ACBD6: variants seen among roughly 807,000 people sequenced by gnomAD.
ACBD6 encodes acyl-CoA-binding domain-containing protein 6.
In ACBD6, 28 loss-of-function variants were observed where a neutral mutation model predicts 37.2. The ratio of observed to expected loss-of-function variants is 0.75; its 90% CI spans 0.56 to 1.03. The LOEUF (loss-of-function observed/expected upper bound fraction) is 1.03. Among genes scored for constraint, ACBD6 ranks in the 50% least tolerant of loss-of-function variants. ACBD6 has a pLI of 0.00. For synonymous variants in ACBD6, 113 were observed against 126.8 expected (o/e 0.89, Z 0.73); for missense variants, 340 against 337.4 (o/e 1.01, Z -0.06).
intron 6 of ACBD6, among the ~76,000 whole-genome samples, chr1:180,362,747 A>C (rs941253511): frequency 1.3e-5 from 2 of 152,222 alleles, no homozygotes; most frequent in Non-Finnish European, 2.9e-5. Flanking sequence ...AACACTGGTA[A>C]AAATACTACT....
intron 3 of ACBD6, among the ~76,000 whole-genome samples, chr1:180,452,967 T>G (rs1649772781): frequency 6.6e-6 from 1 of 152,130 alleles, no homozygotes; most frequent in Non-Finnish European, 1.5e-5. Flanking sequence ...GATTCACAGC[T>G]GACGAAATCT....
chr1:180,475,364 T>C (rs1438581673), intron 3 of ACBD6, among the ~76,000 whole-genome samples: 1 of 152,200 alleles, frequency 6.6e-6, no homozygotes, highest in Non-Finnish European at 1.5e-5. Flanking sequence ...TCTGTCACTG[T>C]AGTTTGCATT....
intron 3 of ACBD6, among the ~76,000 whole-genome samples, chr1:180,456,157 A>T (rs181625310): frequency 9.3e-5 from 14 of 151,038 alleles, no homozygotes; most frequent in Admixed American, 8.6e-4. Flanking sequence ...GGTTGCAGTG[A>T]GCCAAGATTG....
intron 5 of ACBD6, among the ~76,000 whole-genome samples, chr1:180,405,633 A>G (rs1482424719): frequency 6.6e-6 from 1 of 152,218 alleles, no homozygotes; most frequent in Non-Finnish European, 1.5e-5. Context: ...AAGATTTAAA[A>G]TACTATTTAA....
intron 6 of ACBD6, among the ~76,000 whole-genome samples, chr1:180,333,453 C>A (rs1444200570): frequency 6.6e-6 from 1 of 152,044 alleles, no homozygotes; most frequent in Non-Finnish European, 1.5e-5. Flanking sequence ...ATAATCCTGA[C>A]CTCATAGACC....
chr1:180,359,366 C>T (rs1036618239), intron 6 of ACBD6, among the ~76,000 whole-genome samples: 1 of 151,588 alleles, frequency 6.6e-6, no homozygotes, highest in Non-Finnish European at 1.5e-5. Flanking sequence ...TTTTGGCCCC[C>T]CTCTATCGCT....
At chr1:180,475,112 T>C (rs111673020) in intron 3 of ACBD6, among the ~76,000 whole-genome samples, 329 of 152,352 alleles carry the variant, frequency 2.2e-3, no homozygotes, top group African/African-American at 7.2e-3. Context: ...CAAACTGAGA[T>C]AGTTTTGACA....
chr1:180,431,152 G>C (rs1557867310), intron 3 of ACBD6, among the ~76,000 whole-genome samples: 2 of 148,334 alleles, frequency 1.3e-5, no homozygotes, highest in African/African-American at 5.0e-5. Flanking sequence ...AGAAGTACGA[G>C]TTTTGTTTTG....
At chr1:180,477,057 A>G (rs182855198) in intron 3 of ACBD6, among the ~76,000 whole-genome samples, 1 of 152,212 alleles carries the variant, frequency 6.6e-6, no homozygotes, top group Admixed American at 6.5e-5. Flanking sequence ...GATGCCTGAA[A>G]CTGTAGACAC....
At position 180,492,199 on chromosome 1, in the gene ACBD6, T is replaced by C. The variant is rs958199441; in HGVS notation, c.384+70A>G. On this transcript the variant is annotated intron_variant, in intron 3 of 7. Transcript: ENST00000367595. ...GCATGTTACTTAAAACTAAGTTTAG[T>C]TTTAGACATTTATTTCAGAGAAGGA... 1.4e-4 allele frequency: 160 copies of C among 1,159,762 alleles called. 2 individuals carry two copies. The highest frequency in any genetic ancestry group is 2.2e-5 in the Non-Finnish European group (17 of 772,296). 71.8% of individuals were successfully genotyped at this position (1,159,762 alleles called of 1,614,324 possible).
At chr1:180,492,471 A>G in intron 2 of ACBD6, 106 bp from the exon 3 acceptor site, 1 of 849,412 alleles carries the variant, frequency 1.2e-6, no homozygotes, top group Non-Finnish European at 2.0e-6. Context: ...GTCTCTGAAT[A>G]TAGAGATAAT....
At chr1:180,492,398 T>C (rs1436107042) in intron 2 of ACBD6, 33 bp from the exon 3 acceptor site, 2 of 1,522,170 alleles carry the variant, frequency 1.3e-6, no homozygotes, top group Non-Finnish European at 1.8e-6. Flanking sequence ...TGGCCTGTCA[T>C]TATGCAAATA....
intron 7 of ACBD6, among the ~76,000 whole-genome samples, chr1:180,293,839 G>A (rs1157106867): frequency 6.6e-6 from 1 of 151,996 alleles, no homozygotes; most frequent in Non-Finnish European, 1.5e-5. Context: ...TTGAACTCCT[G>A]GCTCCAAGTG....
chr1:180,276,654 T>C (rs1285740212), intron 9 of ACBD6: 2 of 152,206 alleles, frequency 1.3e-5, no homozygotes, highest in Non-Finnish European at 2.9e-5. Context: ...AAATACACCC[T>C]TCTTAGCAGG....
intron 7 of ACBD6, among the ~76,000 whole-genome samples, chr1:180,310,636 G>A (rs1558243951): frequency 6.6e-6 from 1 of 152,106 alleles, no homozygotes; most frequent in East Asian, 1.9e-4. Flanking sequence ...TCTAAATCAT[G>A]TTTCATTATA....
chr1:180,329,266 G>A (rs898395505), intron 6 of ACBD6, among the ~76,000 whole-genome samples: 5 of 152,130 alleles, frequency 3.3e-5, no homozygotes, highest in Admixed American at 2.0e-4. Context: ...AGGTATATAA[G>A]GCTATTTGGT....
intron 3 of ACBD6, among the ~76,000 whole-genome samples, chr1:180,444,286 C>CAAAAAAA (rs71719682): frequency 5.4e-4 from 62 of 114,766 alleles, no homozygotes; most frequent in African/African-American, 1.8e-3. Context: ...TCCGTCTCTC[C>CAAAAAAA]AAAAAAAAAA....
rs34773334 is a variant in ACBD6, at chr1:180,361,275, CT to C, written c.663+36240del. 2.2e-3 allele frequency among the ~76,000 whole-genome samples: 305 copies of C among 135,648 alleles called. 1 individual carries two copies. The highest frequency in any genetic ancestry group is 6.6e-3 in the African/African-American group (241 of 36,554). 89.0% of individuals were successfully genotyped at this position (135,648 alleles called of 152,430 possible). A position where few individuals can be genotyped will look rare whatever the true frequency, so the allele number is the denominator to read the frequency against. ...TTTGTTACAAGCAACTTTTTTTTTC[CT>C]TTTTTTTTTTTTTTTAAACAGGTGC... On this transcript the variant is annotated intron_variant, in intron 6 of 7. Coordinates refer to ENST00000367595, the MANE Select transcript of ACBD6 (RefSeq NM_032360.4).
At chr1:180,399,115 G>A (rs1647238509) in intron 5 of ACBD6, among the ~76,000 whole-genome samples, 2 of 152,108 alleles carry the variant, frequency 1.3e-5, no homozygotes, top group African/African-American at 4.8e-5. Flanking sequence ...TTATTTACCT[G>A]TAAATATCTG....
Sources: gnomAD v4.1 joint callset for allele counts (sites outside exome capture counted in the v4.1 genomes callset) on GRCh38, gnomAD v4.1.1 for gene constraint, MANE v1.5 for transcripts, NCBI Gene and HGNC (gene_info 2026-07-23, HGNC 2026-07-21) for gene names.